Variants in RASGRF1 observed in about 807,000 individuals in gnomAD.
RASGRF1 encodes ras-specific guanine nucleotide-releasing factor 1.
In RASGRF1, 40 loss-of-function variants were observed where a neutral mutation model predicts 138.7. That is an observed-to-expected ratio of 0.29 (90% CI 0.22 to 0.38). The LOEUF is 0.38. RASGRF1 is among the 10% of genes least tolerant of loss of function. The pLI, the probability that RASGRF1 is intolerant of heterozygous loss-of-function variation, is 1.00. For synonymous variants in RASGRF1, 614 were observed against 663.2 expected (o/e 0.93, Z 1.14); for missense variants, 1,108 against 1,650.4 (o/e 0.67, Z 5.69).
rs555915224 is a variant in RASGRF1, at chr15:79,056,760, G to A, written c.531+1574C>T. On this transcript the variant is annotated intron_variant, in intron 3 of 26. Transcript: ENST00000558480. Reference sequence around the variant, plus strand: ...TCTTAGTTCAGGGCTTGGCTGCTGCGGAACAAGGTGAAATTGTTGGCTTTA... The same window carrying A: ...TCTTAGTTCAGGGCTTGGCTGCTGCAGAACAAGGTGAAATTGTTGGCTTTA... Among the ~76,000 whole-genome samples the A allele has an allele frequency of 2.6e-4, 40 of 152,290 alleles. No individual in the cohort carries two copies. The South Asian group carries it at 7.3e-3, about 28-fold the overall frequency.
At chr15:79,033,581 C>CTTTTTTTTTTTTTTTTTTTTTTT (rs71148586) in intron 6 of RASGRF1, among the ~76,000 whole-genome samples, 3 of 93,976 alleles carry the variant, frequency 3.2e-5, no homozygotes, top group Non-Finnish European at 3.8e-5. Flanking sequence ...TTTTTCTTTT[C>CTTTTTTTTTTTTTTTTTTTTTTT]TTTTTTTTTT....
At chr15:78,971,655 G>A (rs1312131284) in intron 26 of RASGRF1, among the ~76,000 whole-genome samples, 1 of 152,184 alleles carries the variant, frequency 6.6e-6, no homozygotes, top group Admixed American at 6.5e-5. Flanking sequence ...TCCTATGGCA[G>A]GTAAAATCAG....
At chr15:79,012,639 T>A in intron 13 of RASGRF1, 1 of 1,488,268 alleles carries the variant, frequency 6.7e-7, no homozygotes, top group Non-Finnish European at 9.1e-7. Flanking sequence ...ATTTTGTTAT[T>A]TTTTTCTTTC....
intron 17 of RASGRF1, 139 bp from the exon 18 acceptor site, chr15:78,998,964 T>A: frequency 1.5e-6 from 1 of 661,144 alleles, no homozygotes. Flanking sequence ...AACAACATGT[T>A]TAACAACTAG....
chr15:78,968,372 A>C (rs570695275), intron 26 of RASGRF1, among the ~76,000 whole-genome samples: 34 of 151,998 alleles, frequency 2.2e-4, no homozygotes, highest in African/African-American at 8.2e-4. Context: ...CCTGGGCTCA[A>C]GTGATCCGCC....
At chr15:79,038,041 G>A (rs2057246113) in intron 5 of RASGRF1, among the ~76,000 whole-genome samples, 1 of 152,154 alleles carries the variant, frequency 6.6e-6, no homozygotes, top group African/African-American at 2.4e-5. Flanking sequence ...GTGAGCAATG[G>A]GGAGTGGCTA....
At position 78,998,198 on chromosome 15, in the gene RASGRF1, G is replaced by C; in HGVS notation, c.2864C>G (p.Thr955Ser). The C allele has an allele frequency of 6.2e-7, 1 of 1,614,032 alleles. No individual in the cohort carries two copies. Among genetic ancestry groups the C allele is most frequent in the Middle Eastern group, 1.7e-4 (1 of 6,060 alleles). ...WVSKHSQDFE[T>S]NDELKCKVIG... ...CACCTTGCATTTGAGCTCATCGTTG[G>C]TCTCAAAGTCCTGCCGGGAAGGTGT... The change falls in exon 19 of 27, where the codon ACC (threonine) becomes AGC (serine). Residue 955 changes from threonine (T) to serine (S), a missense_variant. By Grantham distance (58) the Thr-to-Ser change is moderately conservative (BLOSUM62 1). Transcript: ENST00000558480.
chr15:79,057,184 G>A (rs1034627523), intron 3 of RASGRF1, among the ~76,000 whole-genome samples: 1 of 152,150 alleles, frequency 6.6e-6, no homozygotes, highest in Non-Finnish European at 1.5e-5. Flanking sequence ...GGTCCAGTGT[G>A]CGCCCCATGG....
chr15:79,065,094 A>C (rs1276627854), intron 1 of RASGRF1, among the ~76,000 whole-genome samples: 1 of 152,144 alleles, frequency 6.6e-6, no homozygotes, highest in Non-Finnish European at 1.5e-5. Context: ...GACAATAGAC[A>C]CCCATCTGCA....
chr15:79,074,933 A>G (rs1196948913), intron 1 of RASGRF1, among the ~76,000 whole-genome samples: 1 of 152,222 alleles, frequency 6.6e-6, no homozygotes, highest in Non-Finnish European at 1.5e-5. Context: ...AGATTCCACC[A>G]GGAGTCCTAA....
At position 78,985,157 on chromosome 15, in the gene RASGRF1, G is replaced by C. The variant is rs376602426; in HGVS notation, c.3264C>G (p.Asn1088Lys). 1 of 1,613,226 alleles carries C rather than the reference G, an allele frequency of 6.2e-7. No individual in the cohort carries two copies. Among genetic ancestry groups the C allele is most frequent in the Non-Finnish European group, 8.5e-7 (1 of 1,179,274 alleles). ...ASEIIRNEDI[N>K]ARVSAIEKWV... ...ACTTCTCGATGGCGCTCACCCTGGC[G>C]TTGATGTCCTCATTGCGGATGATTT... The change falls in exon 23 of 27, where the codon AAC becomes AAG. Residue 1088 changes from asparagine (N) to lysine (K), a missense_variant. Asn to Lys is a moderately conservative substitution (Grantham distance 94). Transcript: ENST00000558480.
At chr15:78,983,436 T>C (rs1222115966) in intron 23 of RASGRF1, among the ~76,000 whole-genome samples, 5 of 152,220 alleles carry the variant, frequency 3.3e-5, no homozygotes, top group Admixed American at 1.3e-4. Flanking sequence ...GATTTCAGGA[T>C]GGCCAAACTC....
At chr15:79,080,327 G>GT (rs2057898353) in intron 1 of RASGRF1, among the ~76,000 whole-genome samples, 1 of 152,246 alleles carries the variant, frequency 6.6e-6, no homozygotes, top group Non-Finnish European at 1.5e-5. Context: ...CACTAGTGCA[G>GT]TGAGGGGGCA....
intron 1 of RASGRF1, among the ~76,000 whole-genome samples, chr15:79,089,492 G>GGC (rs1369941160): frequency 6.6e-6 from 1 of 152,244 alleles, no homozygotes; most frequent in Non-Finnish European, 1.5e-5. Context: ...CTGCGGCGGC[G>GGC]GCGGCGGCGC....
chr15:78,978,228 T>TTTTG (rs1555450452), intron 24 of RASGRF1, among the ~76,000 whole-genome samples: 4 of 33,370 alleles, frequency 1.2e-4, no homozygotes, highest in Non-Finnish European at 5.2e-4. Context: ...TTGTTTTTTT[T>TTTTG]TTTTTTTTTT....
At chr15:79,063,393 A>G (rs990238817) in intron 2 of RASGRF1, among the ~76,000 whole-genome samples, 1 of 152,218 alleles carries the variant, frequency 6.6e-6, no homozygotes, top group Admixed American at 6.5e-5. Flanking sequence ...CCCAAGGCTC[A>G]AGGACGGGCC....
Position 79,047,584 on chromosome 15 carries a change from A to T in RASGRF1, c.625-585T>A, listed in dbSNP as rs114856967. 4.2e-3 allele frequency among the ~76,000 whole-genome samples: 638 copies of T among 152,354 alleles called. 4 individuals carry two copies. Among genetic ancestry groups the T allele is most frequent in the African/African-American group, 0.015 (605 of 41,584 alleles). Reference sequence around the variant, plus strand: ...TTAGTTAATCTCATACTTAGCCCTCATCAGCGGCTTCTGAGTCCTAGTGCC... The same window carrying T: ...TTAGTTAATCTCATACTTAGCCCTCTTCAGCGGCTTCTGAGTCCTAGTGCC... On this transcript the variant is annotated intron_variant, in intron 4 of 26. Coordinates refer to ENST00000558480, the MANE Select transcript of RASGRF1 (RefSeq NM_001145648.3).
At chr15:79,084,963 C>A (rs1465736132) in intron 1 of RASGRF1, among the ~76,000 whole-genome samples, 2 of 152,122 alleles carry the variant, frequency 1.3e-5, no homozygotes, top group African/African-American at 2.4e-5. Flanking sequence ...GACCCCGTTC[C>A]TTCATCCTCT....
rs1199113007 is a variant in RASGRF1, at chr15:79,035,138, C to T, written c.951G>A (p.Leu317=). The change falls in exon 6 of 27, where the codon CTG becomes CTA. Residue 317 remains leucine (L), a synonymous_variant. Coordinates refer to ENST00000558480, the MANE Select transcript of RASGRF1 (RefSeq NM_001145648.3). ...LKARISSWPT[L]VLADLFDILL... ...TGAGGGCTGACTACTCACCCAGGAC[C>T]AGCGTGGGCCAGCTGGAGATGCGGG... The T allele has an allele frequency of 6.2e-7, 1 of 1,612,842 alleles. No homozygotes were observed. The highest frequency in any genetic ancestry group is 1.7e-5 in the Admixed American group (1 of 59,954).
Sources: gnomAD v4.1 joint callset for allele counts (sites outside exome capture counted in the v4.1 genomes callset) on GRCh38, gnomAD v4.1.1 for gene constraint, MANE v1.5 for transcripts, NCBI Gene and HGNC (gene_info 2026-07-23, HGNC 2026-07-21) for gene names.